The following IGSF22 variants were observed in gnomAD, a reference collection of about 807,000 sequenced individuals.
The protein encoded by IGSF22 is immunoglobulin superfamily, member 22.
IGSF22 carries 119 observed loss-of-function variants against 127.0 expected under a neutral mutation model. That is an observed-to-expected ratio of 0.94 (90% CI 0.81 to 1.09). IGSF22 has a LOEUF of 1.09. Ranked by LOEUF, IGSF22 falls within the 50% of genes least tolerant of loss-of-function variation. IGSF22 has a pLI of 0.00. For missense variants in IGSF22, 1,518 were observed against 1,716.6 expected (o/e 0.88, Z 2.04); for synonymous variants, 568 against 664.7 (o/e 0.85, Z 2.24).
Position 18,708,300 on chromosome 11 carries a change from G to A in IGSF22, c.2999-5C>T, listed in dbSNP as rs1267550298. The A allele has an allele frequency of 6.5e-7, 1 of 1,540,434 alleles. No homozygotes were observed. Among genetic ancestry groups the A allele is most frequent in the Non-Finnish European group, 8.8e-7 (1 of 1,141,916 alleles). ...TGAGGTCAAACTTGGGTGCAGCTGA[G>A]ATGGAGGAGACAGAGGTGGAGGCAT... is the stretch of plus-strand genomic sequence containing the variant. On this transcript the variant is annotated splice_region_variant and splice_polypyrimidine_tract_variant and intron_variant, in intron 18 of 22. Transcript: ENST00000513874.
intron 22 of IGSF22, chr11:18,705,614 A>C: frequency 3.4e-6 from 2 of 593,328 alleles, no homozygotes; most frequent in Non-Finnish European, 6.0e-6. Flanking sequence ...GAGAACTCTC[A>C]TGTCTGCAGG....
At position 18,709,350 on chromosome 11, in the gene IGSF22, G is replaced by C; in HGVS notation, c.2998+37C>G. The C allele has an allele frequency of 6.3e-7, 1 of 1,592,440 alleles. No individual in the cohort carries two copies. Among genetic ancestry groups the C allele is most frequent in the Non-Finnish European group, 8.6e-7 (1 of 1,164,472 alleles). On this transcript the variant is annotated intron_variant, in intron 18 of 22. Transcript: ENST00000513874. The surrounding 1 kb of genome is among the most constrained non-coding windows in gnomAD (Gnocchi z 4.8). ...AGAGGAGAAGGTTTGGAGGTACAATGTTGGGCATGAATCCCCAGCCCTCTC... is the reference window on the plus strand; with the variant it reads ...AGAGGAGAAGGTTTGGAGGTACAATCTTGGGCATGAATCCCCAGCCCTCTC...
In IGSF22 at chr11:18,705,265, GCTGTGTGGCTATGAAGACAGTAGA is replaced by G. The variant is rs536935271; in HGVS notation, c.3910+528_3910+551del. Among the ~76,000 whole-genome samples, 1,453 of 152,320 alleles carry G rather than the reference GCTGTGTGGCTATGAAGACAGTAGA, an allele frequency of 9.5e-3. 9 individuals are homozygous for G. The highest frequency in any genetic ancestry group is 0.015 in the Non-Finnish European group (1,040 of 68,032). ...TTTGCATTTAGAGTTCATGCTGCTAGCTGTGTGGCTATGAAGACAGTAGACTGGGAAGGAATAAAATGCTTCCCC... is the reference window on the plus strand; with the variant it reads ...TTTGCATTTAGAGTTCATGCTGCTAGCTGGGAAGGAATAAAATGCTTCCCC... On this transcript the variant is annotated intron_variant, in intron 22 of 22. Transcript: ENST00000513874.
intron 14 of IGSF22, among the ~76,000 whole-genome samples, chr11:18,712,803 C>A (rs185460297): frequency 6.6e-6 from 1 of 152,322 alleles, no homozygotes; most frequent in East Asian, 1.9e-4. Flanking sequence ...GTGTACACAG[C>A]AGTGAGAACA....
Position 18,716,786 on chromosome 11 carries a change from G to A in IGSF22, c.1188C>T (p.Ser396=), listed in dbSNP as rs373454145. ...LKIKDARLSD[S]GEFSAEAGNL... is the part of the protein sequence containing the mutation. Reference sequence around the variant, plus strand: ...TCCCCGCCTCAGCAGAGAACTCGCCGCTGTCACTGAGTCTGGCATCCTTAA... The same window carrying A: ...TCCCCGCCTCAGCAGAGAACTCGCCACTGTCACTGAGTCTGGCATCCTTAA... The change falls in exon 10 of 23, where the codon AGC becomes AGT. Residue 396 remains serine, a synonymous_variant. Coordinates refer to ENST00000513874, the MANE Select transcript of IGSF22 (RefSeq NM_173588.4). The surrounding 1 kb of genome is among the most constrained non-coding windows in gnomAD (Gnocchi z 4.5). 7.3e-5 allele frequency: 118 copies of A among 1,614,220 alleles called. 1 individual carries two copies. In the African/African-American group the frequency reaches 1.3e-3, roughly 17 times the overall value.
chr11:18,715,706 G>T lies in IGSF22; in HGVS notation c.1257C>A (p.Ile419=). The part of the protein sequence containing the change: ...KAQLTVDRIP[I]KFVSNLKNVR... ...CATTTTTGAGGTTGCTCACAAACTT[G>T]ATGGGGATGCCTGTGGACAGACAGA... is the stretch of plus-strand genomic sequence containing the variant. Residue 419 remains isoleucine (I), a synonymous_variant, in exon 11 of 23, where the codon ATC becomes ATA. Coordinates refer to ENST00000513874, the MANE Select transcript of IGSF22 (RefSeq NM_173588.4). 1 of 1,610,368 alleles carries T rather than the reference G, an allele frequency of 6.2e-7. No homozygotes were observed. The highest frequency in any genetic ancestry group is 1.1e-5 in the South Asian group (1 of 91,006).
chr11:18,718,763 G>A (rs1043238805), intron 7 of IGSF22, 35 bp from the exon 8 acceptor site: 1 of 1,367,078 alleles, frequency 7.3e-7, no homozygotes, highest in South Asian at 1.2e-5. Flanking sequence ...ACAAGTGTCA[G>A]TGGTACCCAA....
intron 13 of IGSF22, 55 bp downstream of exon 13, chr11:18,714,222 G>A (rs1848413804): frequency 6.3e-7 from 1 of 1,595,174 alleles, no homozygotes; most frequent in Non-Finnish European, 8.5e-7. Context: ...GAAGCCATGA[G>A]CTTGTAGGTG....
At chr11:18,710,945 C>A (rs1554903815) in intron 15 of IGSF22, 117 bp from the exon 16 acceptor site, 1 of 900,008 alleles carries the variant, frequency 1.1e-6, no homozygotes, top group East Asian at 2.6e-5. Context: ...ATTCTTTTTT[C>A]TTTTTCCTTT....
At chr11:18,710,278 G>T in intron 17 of IGSF22, 49 bp downstream of exon 17, 1 of 1,596,204 alleles carries the variant, frequency 6.3e-7, no homozygotes, top group Non-Finnish European at 8.6e-7. Flanking sequence ...TCTCTACTTT[G>T]AATGGGCTAA....
At position 18,706,904 on chromosome 11, in the gene IGSF22, C is replaced by T. The variant is rs1390574899; in HGVS notation, c.3580+10G>A. The T allele has an allele frequency of 6.7e-7, 1 of 1,485,058 alleles. No homozygotes were observed. Among genetic ancestry groups the T allele is most frequent in the East Asian group, 2.5e-5 (1 of 40,252 alleles). 92.0% of individuals were successfully genotyped at this position (1,485,058 alleles called of 1,614,324 possible). A position where few individuals can be genotyped will look rare whatever the true frequency, so the allele number is the denominator to read the frequency against. On this transcript the variant is annotated intron_variant, in intron 21 of 22. Transcript: ENST00000513874. ...CCAGACTTAACCCTAACTGCAAGTC[C>T]CAGACTCACTCTGGTCCTTATTGAT... is the stretch of plus-strand genomic sequence containing the variant.
At chr11:18,707,390 TG>T in intron 20 of IGSF22, 177 bp from the exon 21 acceptor site, 2 of 588,538 alleles carry the variant, frequency 3.4e-6, no homozygotes, top group East Asian at 2.9e-5. Context: ...CCTCGTGACC[TG>T]GGGTAAGTTA....
intron 21 of IGSF22, chr11:18,706,528 C>G (rs1439301721): frequency 1.2e-5 from 4 of 347,678 alleles, no homozygotes; most frequent in Non-Finnish European, 2.1e-5. Flanking sequence ...CTCCTCAGTT[C>G]GAGTTTCCCG....
At chr11:18,725,656 A>G (rs1042637985) in intron 1 of IGSF22, among the ~76,000 whole-genome samples, 1 of 151,896 alleles carries the variant, frequency 6.6e-6, no homozygotes, top group Admixed American at 6.6e-5. Flanking sequence ...TGGCCAGGCT[A>G]GTCTCGAATA....
chr11:18,710,854 G>A, intron 15 of IGSF22, 26 bp from the exon 16 acceptor site: 1 of 1,590,032 alleles, frequency 6.3e-7, no homozygotes. Context: ...AGAGTGCAAA[G>A]GTTAGGAGGG....
chr11:18,715,129 T>C lies in IGSF22; in HGVS notation c.1531+303A>G, dbSNP rs117312405. ...GTAGGAGATGGTCGGGATCAAGACG[T>C]CTGGGATATCAGGGTTGCTGGGGAT... is the stretch of plus-strand genomic sequence containing the variant. On this transcript the variant is annotated intron_variant, in intron 11 of 22. Coordinates refer to ENST00000513874, the MANE Select transcript of IGSF22 (RefSeq NM_173588.4). 5.5e-3 allele frequency among the ~76,000 whole-genome samples: 835 copies of C among 151,954 alleles called. 2 individuals carry two copies. The highest frequency in any genetic ancestry group is 0.017 in the Middle Eastern group (5 of 292).
At chr11:18,707,270 C>T (rs1848258242) in intron 20 of IGSF22, 57 bp from the exon 21 acceptor site, 2 of 1,414,782 alleles carry the variant, frequency 1.4e-6, no homozygotes, top group Non-Finnish European at 1.9e-6. Flanking sequence ...ATTATGTCCC[C>T]ACCCCAGCCA....
intron 4 of IGSF22, among the ~76,000 whole-genome samples, chr11:18,720,496 A>G (rs12421865): frequency 0.19 from 28,965 of 152,094 alleles, 3,103 homozygotes; most frequent in Admixed American, 0.25. Context: ...TTCCATAGCA[A>G]TAAAACTGTC....
In IGSF22 at chr11:18,718,624, T is replaced by C. The variant is rs1276876859; in HGVS notation, c.801A>G (p.Ile267Met). 1 of 1,600,968 alleles carries C rather than the reference T, an allele frequency of 6.2e-7. No homozygotes were observed. The highest frequency in any genetic ancestry group is 1.1e-5 in the South Asian group (1 of 90,860). ...GCTAGGCATCCCCCACCTTGATCCA[T>C]ATCATCTTGACATTGGGGTCTTTCA... ...MELKDPNVKM[I>M]WIKGTEPLRI... Residue 267 changes from isoleucine to methionine, a missense_variant, in exon 8 of 23, where the codon ATA becomes ATG. Coordinates refer to ENST00000513874, the MANE Select transcript of IGSF22 (RefSeq NM_173588.4).
Sources: allele counts gnomAD v4.1 joint callset (sites outside exome capture counted in the v4.1 genomes callset), GRCh38; gene constraint gnomAD v4.1.1; non-coding constraint Gnocchi (gnomAD v3.1); transcripts MANE v1.5; gene names NCBI Gene and HGNC (gene_info 2026-07-23, HGNC 2026-07-21).